Variants in ATL2 observed in about 807,000 individuals in gnomAD.
ATL2 encodes the protein atlastin GTPase 2.
A neutral mutation model predicts 73.9 loss-of-function variants in ATL2; 31 were observed. The observed-to-expected ratio is 0.42, with a 90% CI of 0.32 to 0.57. The LOEUF (loss-of-function observed/expected upper bound fraction) is 0.57, where lower values mean the gene tolerates loss of function less well. Among genes scored for constraint, ATL2 ranks in the 20% least tolerant of loss-of-function variants. The pLI is 0.14. For missense variants in ATL2, 738 were observed against 702.6 expected (o/e 1.05, Z -0.57); for synonymous variants, 291 against 237.5 (o/e 1.23, Z -2.07).
intron 1 of ATL2, among the ~76,000 whole-genome samples, chr2:38,369,017 G>A (rs1671512445): frequency 6.6e-6 from 1 of 152,106 alleles, no homozygotes; most frequent in Admixed American, 6.5e-5. Flanking sequence ...ACTGTAATAT[G>A]CCCATTTTTA....
chr2:38,301,413 C>T (rs961180548), intron 9 of ATL2, among the ~76,000 whole-genome samples: 1 of 152,168 alleles, frequency 6.6e-6, no homozygotes, highest in Non-Finnish European at 1.5e-5. Context: ...TTCATAAGAA[C>T]CAAAAATCAG....
At chr2:38,359,791 T>G (rs1670898056) in intron 1 of ATL2, among the ~76,000 whole-genome samples, 1 of 152,064 alleles carries the variant, frequency 6.6e-6, no homozygotes. Context: ...TATTACCCAG[T>G]TCTTAAAAGC....
chr2:38,307,089 G>A (rs1667488197), intron 9 of ATL2, among the ~76,000 whole-genome samples: 1 of 152,078 alleles, frequency 6.6e-6, no homozygotes, highest in Non-Finnish European at 1.5e-5. Flanking sequence ...CAGGTATGAT[G>A]GCTCACACCT....
chr2:38,300,109 T>C (rs1009922545), intron 10 of ATL2, among the ~76,000 whole-genome samples, 163 bp downstream of exon 10: 17 of 152,004 alleles, frequency 1.1e-4, no homozygotes, highest in African/African-American at 4.1e-4. Flanking sequence ...AAAAAAAAAA[T>C]TGTATGAAAC....
intron 2 of ATL2, among the ~76,000 whole-genome samples, chr2:38,331,847 A>C (rs1020684020): frequency 1.3e-5 from 2 of 151,720 alleles, no homozygotes; most frequent in Non-Finnish European, 2.9e-5. Flanking sequence ...TACATATATA[A>C]ATATATTTTA....
chr2:38,335,019 TG>T (rs1669272609), intron 2 of ATL2, among the ~76,000 whole-genome samples: 1 of 115,172 alleles, frequency 8.7e-6, no homozygotes, highest in African/African-American at 2.8e-5. Flanking sequence ...CAAATGAACT[TG>T]TATACAGACG....
chr2:38,314,343 A>G (rs765553679), intron 6 of ATL2, among the ~76,000 whole-genome samples: 16 of 152,246 alleles, frequency 1.1e-4, no homozygotes, highest in Non-Finnish European at 2.1e-4. Context: ...TCTTAAGTTT[A>G]GAATAACATC....
chr2:38,315,645 C>T (rs765240616), intron 4 of ATL2, among the ~76,000 whole-genome samples: 8 of 151,990 alleles, frequency 5.3e-5, no homozygotes, highest in Non-Finnish European at 8.8e-5. Flanking sequence ...CTTCTCTAAG[C>T]TCTTTAATGT....
At chr2:38,329,810 G>A (rs1186159226) in intron 2 of ATL2, among the ~76,000 whole-genome samples, 1 of 152,016 alleles carries the variant, frequency 6.6e-6, no homozygotes, top group East Asian at 1.9e-4. Context: ...GTCAATAAAT[G>A]TAATCCATCA....
chr2:38,339,370 G>T (rs1445134221), intron 2 of ATL2, among the ~76,000 whole-genome samples: 1 of 152,138 alleles, frequency 6.6e-6, no homozygotes, highest in East Asian at 1.9e-4. Flanking sequence ...GCAGAAGCCG[G>T]AACGAAGTCA....
chr2:38,298,630 A>G, intron 11 of ATL2, 55 bp from the exon 12 acceptor site: 2 of 1,535,634 alleles, frequency 1.3e-6, no homozygotes, highest in Non-Finnish European at 1.8e-6. Flanking sequence ...ACTTGAAAGA[A>G]GTTCCTGTTC....
At chr2:38,325,698 GTACACA>G (rs1558412126) in intron 2 of ATL2, among the ~76,000 whole-genome samples, 5 of 4,098 alleles carry the variant, frequency 1.2e-3, no homozygotes, top group Admixed American at 2.8e-3. Context: ...ACACACACCA[GTACACA>G]CACACACACA....
At chr2:38,334,633 G>A (rs891967804) in intron 2 of ATL2, among the ~76,000 whole-genome samples, 1 of 151,226 alleles carries the variant, frequency 6.6e-6, no homozygotes, top group African/African-American at 2.4e-5. Context: ...GGGAGGCGGA[G>A]GTTGCGGTGA....
chr2:38,334,883 TA>T (rs1669229898), intron 2 of ATL2, among the ~76,000 whole-genome samples: 1 of 137,250 alleles, frequency 7.3e-6, no homozygotes, highest in Non-Finnish European at 1.5e-5. Flanking sequence ...ATATATTATA[TA>T]ATATATAATA....
intron 2 of ATL2, among the ~76,000 whole-genome samples, chr2:38,331,619 A>AC (rs1669000767): frequency 6.6e-6 from 1 of 151,046 alleles, no homozygotes; most frequent in Non-Finnish European, 1.5e-5. Context: ...TCTCAAAAAA[A>AC]AAAAAAAAAA....
chr2:38,326,335 C>G (rs887552906), intron 2 of ATL2, among the ~76,000 whole-genome samples: 4 of 152,198 alleles, frequency 2.6e-5, no homozygotes, highest in Non-Finnish European at 5.9e-5. Context: ...ACTAGATTAA[C>G]ATATAACCTC....
intron 9 of ATL2, among the ~76,000 whole-genome samples, chr2:38,302,128 G>C (rs1021617782): frequency 2.6e-5 from 4 of 152,158 alleles, no homozygotes; most frequent in African/African-American, 9.7e-5. Flanking sequence ...CCAAGTCCTG[G>C]CAGGGTTCAT....
chr2:38,340,179 G>C (rs867868537), intron 2 of ATL2, among the ~76,000 whole-genome samples: 1,147 of 111,618 alleles, frequency 0.01, 194 homozygotes, highest in African/African-American at 0.031. Flanking sequence ...GGTGGGGGGG[G>C]GGGGGGGGTA....
chr2:38,318,545 C>A lies in ATL2; in HGVS notation c.593G>T (p.Ser198Ile). ...AATCTTGTGTCTCACCTGGACAGAG[C>A]TAGTCATAGTGCTCAGAGCAAACAC... is the stretch of plus-strand genomic sequence containing the variant. ...ATVFALSTMT[S>I]SVQVYNLSQN... is the part of the protein sequence containing the mutation. Residue 198 changes from serine to isoleucine, a missense_variant, in exon 4 of 13, where the codon AGC (serine) becomes ATC (isoleucine). By Grantham distance (142) the Ser-to-Ile change is moderately radical. Transcript: ENST00000378954. The A allele has an allele frequency of 6.2e-7, 1 of 1,600,390 alleles. No individual in the cohort carries two copies. The highest frequency in any genetic ancestry group is 8.5e-7 in the Non-Finnish European group (1 of 1,175,588).
Sources: allele counts gnomAD v4.1 joint callset (sites outside exome capture counted in the v4.1 genomes callset), GRCh38; gene constraint gnomAD v4.1.1; transcripts MANE v1.5; gene names NCBI Gene and HGNC (gene_info 2026-07-23, HGNC 2026-07-21).